The following A1CF variants were observed in gnomAD, a reference collection of about 807,000 sequenced individuals.
A1CF encodes APOBEC1 complementation factor, also known as APOBEC-1 stimulating protein.
A1CF carries 48 observed loss-of-function variants against 68.9 expected under a neutral mutation model. The ratio of observed to expected loss-of-function variants is 0.70; its 90% CI spans 0.55 to 0.89. The LOEUF (loss-of-function observed/expected upper bound fraction) is 0.89, where lower values mean the gene tolerates loss of function less well. A1CF is among the 40% of genes least tolerant of loss of function. The pLI is 0.00. For synonymous variants in A1CF, 272 were observed against 260.4 expected, an observed-to-expected ratio of 1.04 and a Z score of -0.43; for missense variants, 653 against 718.9, an observed-to-expected ratio of 0.91 and a Z score of 1.05.
intron 3 of A1CF, among the ~76,000 whole-genome samples, chr10:50,856,952 C>T (rs1284222215): frequency 6.6e-6 from 1 of 151,972 alleles, no homozygotes; most frequent in East Asian, 1.9e-4. Context: ...GATAAATGTC[C>T]TTAAATCATA....
In A1CF at chr10:50,836,073, C is replaced by A; in HGVS notation, c.604+1G>T. The A allele has an allele frequency of 6.2e-7, 1 of 1,601,574 alleles. No homozygotes were observed. The highest frequency in any genetic ancestry group is 1.1e-5 in the South Asian group (1 of 88,706). ...TCATCTTTGAGGAGGGGATTGCTAA[C>A]CTGGTAGCAGTTTCCTCCTCGCCAT... is the stretch of plus-strand genomic sequence containing the variant. On this transcript the variant is annotated splice_donor_variant, in intron 6 of 12. Coordinates refer to ENST00000373997, the MANE Select transcript of A1CF (RefSeq NM_014576.4). LOFTEE classifies it high-confidence loss of function.
intron 3 of A1CF, among the ~76,000 whole-genome samples, chr10:50,845,554 C>A (rs1363775096): frequency 1.3e-5 from 2 of 152,246 alleles, no homozygotes; most frequent in East Asian, 1.9e-4. Flanking sequence ...AGTGGAGAAG[C>A]CAGAATTTGA....
At chr10:50,847,716 G>A (rs1425435887) in intron 3 of A1CF, among the ~76,000 whole-genome samples, 1 of 152,142 alleles carries the variant, frequency 6.6e-6, no homozygotes, top group Admixed American at 6.5e-5. Context: ...GGCCATCATG[G>A]TTATTGGAAA....
intron 6 of A1CF, 153 bp from the exon 7 acceptor site, chr10:50,828,448 C>T: frequency 2.0e-6 from 1 of 503,402 alleles, no homozygotes; most frequent in Non-Finnish European, 3.3e-6. Context: ...TCTTAAGAGA[C>T]ATTCCAAGTG....
intron 12 of A1CF, 25 bp downstream of exon 12, chr10:50,809,869 C>T (rs766606909): frequency 3.1e-6 from 5 of 1,613,242 alleles, no homozygotes; most frequent in Non-Finnish European, 4.2e-6. Context: ...TGCAGGGCGC[C>T]ATTTCTGGCA....
chr10:50,865,482 A>G (rs1014321015), intron 1 of A1CF, among the ~76,000 whole-genome samples: 1 of 152,198 alleles, frequency 6.6e-6, no homozygotes, highest in African/African-American at 2.4e-5. Context: ...CATTTTAATT[A>G]TTATAATTAT....
intron 7 of A1CF, among the ~76,000 whole-genome samples, chr10:50,827,725 G>T (rs1588986377): frequency 6.6e-6 from 1 of 151,128 alleles, no homozygotes; most frequent in Admixed American, 6.6e-5. Context: ...ACAATTAAAA[G>T]AACTAGAGAA....
intron 6 of A1CF, among the ~76,000 whole-genome samples, chr10:50,835,061 G>C (rs1279346113): frequency 6.6e-6 from 1 of 152,150 alleles, no homozygotes; most frequent in East Asian, 1.9e-4. Context: ...CCAGTGAAGA[G>C]GGAAGAAGTT....
intron 3 of A1CF, among the ~76,000 whole-genome samples, chr10:50,846,141 C>G (rs1396091127): frequency 6.6e-6 from 1 of 152,006 alleles, no homozygotes; most frequent in African/African-American, 2.4e-5. Context: ...AACATGATGC[C>G]ACAAGTAGAA....
intron 3 of A1CF, among the ~76,000 whole-genome samples, chr10:50,848,654 G>A (rs1840103354): frequency 6.6e-6 from 1 of 152,020 alleles, no homozygotes; most frequent in South Asian, 2.1e-4. Flanking sequence ...TCGTCTTTGT[G>A]GTTCTCTTTG....
chr10:50,830,892 T>C (rs1345424222), intron 6 of A1CF, among the ~76,000 whole-genome samples: 1 of 152,160 alleles, frequency 6.6e-6, no homozygotes, highest in Non-Finnish European at 1.5e-5. Context: ...CAAAATAGTA[T>C]GATACTGGCA....
rs191235738 is a variant in A1CF at position 50,859,049 on chromosome 10, T to C, written c.99+793A>G. Reference sequence around the variant, plus strand: ...TTTTATTGCTAATCACACATGACATTTGAATTCATAGTAGTTTGAATTCAA... The same window carrying C: ...TTTTATTGCTAATCACACATGACATCTGAATTCATAGTAGTTTGAATTCAA... On this transcript the variant is annotated intron_variant, in intron 3 of 12. Coordinates refer to ENST00000373997, the MANE Select transcript of A1CF (RefSeq NM_014576.4). 2.4e-4 allele frequency among the ~76,000 whole-genome samples: 37 copies of C among 152,284 alleles called. No homozygotes were observed. In the East Asian group the frequency reaches 6.7e-3, roughly 28 times the overall value.
chr10:50,863,319 G>T (rs141744782), intron 2 of A1CF, among the ~76,000 whole-genome samples: 1 of 152,122 alleles, frequency 6.6e-6, no homozygotes, highest in Admixed American at 6.6e-5. Flanking sequence ...TTATTAAAAA[G>T]CTTGGCCAAA....
intron 12 of A1CF, 36 bp downstream of exon 12, chr10:50,809,858 C>T: frequency 6.2e-7 from 1 of 1,612,640 alleles, no homozygotes; most frequent in Non-Finnish European, 8.5e-7. Context: ...CAAATACTCT[C>T]TGCAGGGCGC....
chr10:50,815,122 G>A (rs1838303716), intron 9 of A1CF, among the ~76,000 whole-genome samples: 1 of 152,144 alleles, frequency 6.6e-6, no homozygotes, highest in Non-Finnish European at 1.5e-5. Flanking sequence ...AGACTTAAAT[G>A]CACAGTTTAT....
chr10:50,823,241 T>A (rs951197832), intron 7 of A1CF, among the ~76,000 whole-genome samples: 1 of 152,166 alleles, frequency 6.6e-6, no homozygotes, highest in Non-Finnish European at 1.5e-5. Flanking sequence ...TAAAAGTTGG[T>A]TTTCTCTACA....
At chr10:50,839,713 G>T (rs1839682589) in intron 5 of A1CF, among the ~76,000 whole-genome samples, 2 of 152,130 alleles carry the variant, frequency 1.3e-5, no homozygotes, top group Non-Finnish European at 2.9e-5. Context: ...AGTAGTTGCC[G>T]AATCCAACTG....
chr10:50,854,451 TGTTTAA>T (rs1840387859), intron 3 of A1CF, among the ~76,000 whole-genome samples: 1 of 152,032 alleles, frequency 6.6e-6, no homozygotes, highest in Non-Finnish European at 1.5e-5. Context: ...ATTTAGGATA[TGTTTAA>T]GTTTAAATTT....
chr10:50,838,159 G>T (rs768444998), intron 5 of A1CF, among the ~76,000 whole-genome samples: 1 of 152,152 alleles, frequency 6.6e-6, no homozygotes, highest in Admixed American at 6.5e-5. Flanking sequence ...GTGAGTGGGC[G>T]ATTGGTCTGA....
Sources: allele counts gnomAD v4.1 joint callset (sites outside exome capture counted in the v4.1 genomes callset), GRCh38; gene constraint gnomAD v4.1.1; transcripts MANE v1.5; gene names NCBI Gene and HGNC (gene_info 2026-07-23, HGNC 2026-07-21).